Variants in SLIT2 observed in about 807,000 individuals in gnomAD.
SLIT2 encodes slit guidance ligand 2.
In SLIT2, 41 loss-of-function variants were observed where a neutral mutation model predicts 185.7. That is an observed-to-expected ratio of 0.22 (90% CI 0.17 to 0.29). The LOEUF is 0.29. Among genes scored for constraint, SLIT2 ranks in the 10% least tolerant of loss-of-function variants. The pLI is 1.00. For synonymous variants in SLIT2, 693 were observed against 680.2 expected (o/e 1.02, Z -0.29); for missense variants, 1,571 against 1,909.0 (o/e 0.82, Z 3.30).
intron 36 of SLIT2, 92 bp downstream of exon 36, chr4:20,617,742 A>T: frequency 1.2e-6 from 1 of 857,224 alleles, no homozygotes. Context: ...TGAAAAAAAA[A>T]AAAAAAACAG....
At chr4:20,303,366 G>A (rs1319567940) in intron 4 of SLIT2, among the ~76,000 whole-genome samples, 1 of 151,764 alleles carries the variant, frequency 6.6e-6, no homozygotes, top group African/African-American at 2.4e-5. Flanking sequence ...TCATTGAGGA[G>A]GAATTTATTT....
At chr4:20,414,544 A>C (rs1478925620) in intron 4 of SLIT2, among the ~76,000 whole-genome samples, 1 of 152,184 alleles carries the variant, frequency 6.6e-6, no homozygotes, top group Non-Finnish European at 1.5e-5. Context: ...ATCTACTAGC[A>C]ACACCTTTTT....
chr4:20,555,098 A>G (rs1230980081), intron 26 of SLIT2, among the ~76,000 whole-genome samples: 2 of 152,048 alleles, frequency 1.3e-5, no homozygotes, highest in South Asian at 4.1e-4. Context: ...AAGGTCACTC[A>G]TCATTATTAG....
At chr4:20,364,310 C>A (rs759270793) in intron 4 of SLIT2, 2 of 980,812 alleles carry the variant, frequency 2.0e-6, no homozygotes, top group Non-Finnish European at 2.4e-6. Context: ...AATAATGGTT[C>A]AAGTAATTGA....
intron 4 of SLIT2, among the ~76,000 whole-genome samples, chr4:20,407,175 A>T (rs1726839663): frequency 6.6e-6 from 1 of 152,078 alleles, no homozygotes; most frequent in African/African-American, 2.4e-5. Flanking sequence ...TAGGGGAGGG[A>T]GTTGCTAGTA....
intron 14 of SLIT2, among the ~76,000 whole-genome samples, chr4:20,524,692 C>A (rs780449237): frequency 1.2e-4 from 18 of 152,092 alleles, no homozygotes; most frequent in African/African-American, 4.1e-4. Flanking sequence ...TGCATACAAC[C>A]GTGAGGATGC....
chr4:20,309,758 CT>C (rs1553876753), intron 4 of SLIT2, among the ~76,000 whole-genome samples: 2,242 of 27,964 alleles, frequency 0.08, 24 homozygotes, highest in South Asian at 0.24. Context: ...GTCTTTCTTT[CT>C]TTTTTTTTTT....
chr4:20,444,941 C>T (rs1244044874), intron 4 of SLIT2, among the ~76,000 whole-genome samples: 2 of 152,156 alleles, frequency 1.3e-5, no homozygotes, highest in Non-Finnish European at 2.9e-5. Context: ...TGTCTAGAAA[C>T]CCTAACCCAT....
chr4:20,281,306 C>T (rs529720475), intron 4 of SLIT2, among the ~76,000 whole-genome samples: 1 of 152,214 alleles, frequency 6.6e-6, no homozygotes, highest in South Asian at 2.1e-4. Context: ...AAAAATTAAA[C>T]AGGGCAAATC....
chr4:20,276,466 A>C (rs543534910), intron 4 of SLIT2, among the ~76,000 whole-genome samples: 1 of 152,292 alleles, frequency 6.6e-6, no homozygotes, highest in South Asian at 2.1e-4. Context: ...CCTTGACAAC[A>C]CCTATGGCCT....
intron 9 of SLIT2, 105 bp from the exon 10 acceptor site, chr4:20,510,390 C>T (rs1056128570): frequency 1.2e-5 from 9 of 773,570 alleles, no homozygotes; most frequent in Non-Finnish European, 1.8e-5. Flanking sequence ...ATATATCACT[C>T]ATGAAGAACA....
intron 4 of SLIT2, among the ~76,000 whole-genome samples, chr4:20,289,941 G>A (rs751199899): frequency 1.3e-5 from 2 of 152,154 alleles, no homozygotes; most frequent in Non-Finnish European, 2.9e-5. Flanking sequence ...TCACTCTGCT[G>A]TCTCTGTCTG....
chr4:20,477,499 G>A (rs763900610), intron 5 of SLIT2, among the ~76,000 whole-genome samples: 18 of 152,176 alleles, frequency 1.2e-4, no homozygotes, highest in South Asian at 2.1e-4. Flanking sequence ...ACGCCTAGCC[G>A]AGGTCATGAA....
intron 5 of SLIT2, among the ~76,000 whole-genome samples, chr4:20,472,307 T>TATATATCG (rs1715241462): frequency 3.4e-5 from 1 of 29,584 alleles, no homozygotes; most frequent in South Asian, 1.7e-3. Context: ...TATATAGATC[T>TATATATCG]ATATATAGAT....
intron 20 of SLIT2, among the ~76,000 whole-genome samples, 169 bp from the exon 21 acceptor site, chr4:20,542,325 G>T (rs1347619753): frequency 6.6e-6 from 1 of 152,170 alleles, no homozygotes; most frequent in Non-Finnish European, 1.5e-5. Context: ...TGAAAACAGT[G>T]CTATATAGAA....
At chr4:20,457,508 A>T (rs1713209114) in intron 4 of SLIT2, among the ~76,000 whole-genome samples, 2 of 152,040 alleles carry the variant, frequency 1.3e-5, no homozygotes, top group African/African-American at 4.8e-5. Context: ...AAGATATTAT[A>T]TATATAAATT....
chr4:20,458,574 T>C (rs1461445670), intron 4 of SLIT2, among the ~76,000 whole-genome samples: 1 of 152,196 alleles, frequency 6.6e-6, no homozygotes, highest in African/African-American at 2.4e-5. Flanking sequence ...TCCCTAGGTA[T>C]TTTTTATGGG....
chr4:20,490,526 AT>A (rs1413693156), intron 8 of SLIT2, among the ~76,000 whole-genome samples: 1 of 152,160 alleles, frequency 6.6e-6, no homozygotes, highest in Non-Finnish European at 1.5e-5. Context: ...ACAAAACAAA[AT>A]TTTAAGAAAC....
At chr4:20,502,833 CT>C (rs1214708772) in intron 9 of SLIT2, among the ~76,000 whole-genome samples, 1 of 152,048 alleles carries the variant, frequency 6.6e-6, no homozygotes, top group Non-Finnish European at 1.5e-5. Context: ...AGAAAAATCA[CT>C]AACATGGAAT....
Sources: gnomAD v4.1 joint callset for allele counts (sites outside exome capture counted in the v4.1 genomes callset) on GRCh38, gnomAD v4.1.1 for gene constraint, MANE v1.5 for transcripts, NCBI Gene and HGNC (gene_info 2026-07-23, HGNC 2026-07-21) for gene names.